The following ASAP1 variants were observed in gnomAD, a reference collection of about 807,000 sequenced individuals.
The protein encoded by ASAP1 is ArfGAP with SH3 domain, ankyrin repeat and PH domain 1, also known as arf-GAP with SH3 domain, ANK repeat and PH domain-containing protein 1.
ASAP1 carries 43 observed loss-of-function variants against 145.2 expected under a neutral mutation model. That is an observed-to-expected ratio of 0.30 (90% confidence interval 0.23 to 0.38). The LOEUF is 0.38. Among genes scored for constraint, ASAP1 ranks in the 10% least tolerant of loss-of-function variants. ASAP1 has a pLI of 1.00. For missense variants in ASAP1, 1,018 were observed against 1,355.3 expected, an observed-to-expected ratio of 0.75 and a Z score of 3.91; for synonymous variants, 546 against 515.5, an observed-to-expected ratio of 1.06 and a Z score of -0.80.
intron 3 of ASAP1, among the ~76,000 whole-genome samples, chr8:130,269,755 T>C (rs542966790): frequency 1.3e-5 from 2 of 152,368 alleles, no homozygotes; most frequent in African/African-American, 2.4e-5. Context: ...TCTGGATTCA[T>C]GCAAGGGTAG....
At chr8:130,383,699 T>C (rs1827885980) in intron 2 of ASAP1, among the ~76,000 whole-genome samples, 1 of 152,212 alleles carries the variant, frequency 6.6e-6, no homozygotes, top group Non-Finnish European at 1.5e-5. Flanking sequence ...ATGTTTATCT[T>C]AATGTTTATG....
intron 12 of ASAP1, among the ~76,000 whole-genome samples, chr8:130,154,522 A>C (rs1401338771): frequency 6.6e-6 from 1 of 152,182 alleles, no homozygotes; most frequent in African/African-American, 2.4e-5. Context: ...GGCTGGAAGT[A>C]AGTTTTGAAG....
At chr8:130,263,564 G>C (rs1228720733) in intron 3 of ASAP1, among the ~76,000 whole-genome samples, 1 of 152,196 alleles carries the variant, frequency 6.6e-6, no homozygotes, top group Non-Finnish European at 1.5e-5. Context: ...CCACTTTTGA[G>C]TAAGTTTAAA....
chr8:130,180,736 A>G lies in ASAP1; in HGVS notation c.660+15T>C. The G allele has an allele frequency of 6.3e-7, 1 of 1,599,574 alleles. No individual in the cohort carries two copies. On this transcript the variant is annotated intron_variant, in intron 8 of 29. Coordinates refer to ENST00000518721, the MANE Select transcript of ASAP1 (RefSeq NM_018482.4). Reference sequence around the variant, plus strand: ...GTTATAATTCTAGGCAAATGGTGGAAAAGTCCATTCTTACTTCACACATTT... The same window carrying G: ...GTTATAATTCTAGGCAAATGGTGGAGAAGTCCATTCTTACTTCACACATTT...
At chr8:130,136,710 C>T (rs547458365) in intron 14 of ASAP1, among the ~76,000 whole-genome samples, 1 of 152,282 alleles carries the variant, frequency 6.6e-6, no homozygotes, top group South Asian at 2.1e-4. Context: ...GTTCAATGTA[C>T]AAATCCTAGA....
chr8:130,345,374 C>T (rs78439789), intron 3 of ASAP1, among the ~76,000 whole-genome samples: 3,997 of 152,224 alleles, frequency 0.026, 61 homozygotes, highest in Middle Eastern at 0.044. Context: ...ATTTAAATGC[C>T]TCCCCGTCAA....
intron 3 of ASAP1, among the ~76,000 whole-genome samples, chr8:130,261,767 G>T (rs753204306): frequency 6.6e-6 from 1 of 152,060 alleles, no homozygotes; most frequent in Non-Finnish European, 1.5e-5. Flanking sequence ...CTGTGTGGAG[G>T]GGGGCAAGGG....
At chr8:130,398,808 C>T (rs1020868645) in intron 2 of ASAP1, among the ~76,000 whole-genome samples, 22 of 152,190 alleles carry the variant, frequency 1.4e-4, no homozygotes, top group African/African-American at 2.9e-4. Flanking sequence ...CACAGAACTA[C>T]GAAACCATGG....
intron 3 of ASAP1, among the ~76,000 whole-genome samples, chr8:130,284,618 T>C (rs1240790318): frequency 6.6e-6 from 1 of 151,460 alleles, no homozygotes; most frequent in East Asian, 1.9e-4. Context: ...TGGGAACCAG[T>C]GACAATGAAC....
chr8:130,161,382 G>C (rs1049624358), intron 11 of ASAP1, among the ~76,000 whole-genome samples: 1 of 152,180 alleles, frequency 6.6e-6, no homozygotes, highest in Non-Finnish European at 1.5e-5. Flanking sequence ...GCCAAGTAAT[G>C]TATGTTCAGT....
Position 130,060,650 on chromosome 8 carries a change from A to C in ASAP1, c.3121T>G (p.Ser1041Ala). 6.2e-7 allele frequency: 1 copy of C among 1,614,062 alleles called. No homozygotes were observed. The highest frequency in any genetic ancestry group is 1.1e-5 in the South Asian group (1 of 91,072). The change falls in exon 28 of 30, where the codon TCT (serine) becomes GCT (alanine). Residue 1041 changes from serine (S) to alanine (A), a missense_variant. Ser to Ala is a moderately conservative substitution (Grantham distance 99). This residue lies in a region of ASAP1 where 139 missense variants were observed against 131.0 expected (regional missense o/e 1.06). Transcript: ENST00000518721. ...QSRDAIQKQA[S>A]EDSNDLTPTL... ...GGCGTGAGGTCGTTGGAGTCTTCAGATGCTTGCTTTTGGATGGCGTCTCTG... is the reference window on the plus strand; with the variant it reads ...GGCGTGAGGTCGTTGGAGTCTTCAGCTGCTTGCTTTTGGATGGCGTCTCTG...
intron 3 of ASAP1, among the ~76,000 whole-genome samples, chr8:130,277,533 T>C (rs1223637725): frequency 2.0e-5 from 3 of 152,136 alleles, no homozygotes; most frequent in Non-Finnish European, 2.9e-5. Flanking sequence ...AAAACAAACA[T>C]TGAAAACTCC....
At chr8:130,207,907 G>A (rs887670140) in intron 5 of ASAP1, among the ~76,000 whole-genome samples, 3 of 152,258 alleles carry the variant, frequency 2.0e-5, no homozygotes, top group South Asian at 4.1e-4. Context: ...ATTAAAGTGC[G>A]AAGGAAGCAG....
intron 1 of ASAP1, among the ~76,000 whole-genome samples, chr8:130,423,054 C>A (rs147465620): frequency 6.6e-6 from 1 of 152,148 alleles, no homozygotes; most frequent in African/African-American, 2.4e-5. Flanking sequence ...AGTAATAGAA[C>A]TAAATTGCGC....
intron 5 of ASAP1, among the ~76,000 whole-genome samples, chr8:130,209,096 C>T (rs947779087): frequency 6.6e-6 from 1 of 152,134 alleles, no homozygotes; most frequent in Non-Finnish European, 1.5e-5. Flanking sequence ...CATAGTAATA[C>T]TAATATTAAT....
At chr8:130,126,566 T>C (rs1389582312) in intron 16 of ASAP1, among the ~76,000 whole-genome samples, 2 of 152,206 alleles carry the variant, frequency 1.3e-5, no homozygotes, top group East Asian at 1.9e-4. Flanking sequence ...CAAATGTTTC[T>C]TTCAGTGACC....
chr8:130,070,986 A>G (rs867223682), intron 27 of ASAP1, among the ~76,000 whole-genome samples: 22 of 18,744 alleles, frequency 1.2e-3, no homozygotes, highest in South Asian at 3.2e-3. Flanking sequence ...GGAGGGGGGG[A>G]GAGAGAGAGA....
intron 3 of ASAP1, among the ~76,000 whole-genome samples, chr8:130,301,932 T>G (rs1428847832): frequency 6.6e-6 from 1 of 152,214 alleles, no homozygotes; most frequent in African/African-American, 2.4e-5. Context: ...TGGGTCAGAG[T>G]TGTAATGAGA....
At chr8:130,382,285 C>CAAAAAA in intron 2 of ASAP1, among the ~76,000 whole-genome samples, 1 of 73,476 alleles carries the variant, frequency 1.4e-5, no homozygotes, top group Non-Finnish European at 2.5e-5. Flanking sequence ...GATTCTGTCT[C>CAAAAAA]AAAAAAAAAA....
Sources: allele counts gnomAD v4.1 joint callset (sites outside exome capture counted in the v4.1 genomes callset), GRCh38; gene constraint gnomAD v4.1.1; regional missense constraint gnomAD v4.1.1; transcripts MANE v1.5; gene names NCBI Gene and HGNC (gene_info 2026-07-23, HGNC 2026-07-21).